The following EXOC6 variants were observed in gnomAD, a reference collection of about 807,000 sequenced individuals.
EXOC6 encodes exocyst complex component 6.
In EXOC6, 60 loss-of-function variants were observed where a neutral mutation model predicts 112.5. That is an observed-to-expected ratio of 0.53 (90% confidence interval 0.43 to 0.66). The LOEUF (loss-of-function observed/expected upper bound fraction) is 0.66, where lower values mean the gene tolerates loss of function less well. Among genes scored for constraint, EXOC6 ranks in the 30% least tolerant of loss-of-function variants. The pLI is 0.00. For missense variants in EXOC6, 855 were observed against 957.1 expected (o/e 0.89, Z 1.41); for synonymous variants, 295 against 308.0 (o/e 0.96, Z 0.44).
chr10:92,838,595 C>G (rs1368409817), intron 1 of EXOC6, among the ~76,000 whole-genome samples: 1 of 152,146 alleles, frequency 6.6e-6, no homozygotes, highest in Non-Finnish European at 1.5e-5. Context: ...AATGAAACAT[C>G]CATTAAAGCC....
upstream of EXOC6, among the ~76,000 whole-genome samples, chr10:92,844,094 T>A (rs531140472): frequency 4.9e-5 from 7 of 143,234 alleles, no homozygotes; most frequent in South Asian, 1.5e-3. Flanking sequence ...GAGGTTGCAG[T>A]GAGCCGAGAT....
chr10:93,041,577 AT>A (rs1290054370), intron 20 of EXOC6, among the ~76,000 whole-genome samples: 2 of 151,006 alleles, frequency 1.3e-5, no homozygotes, highest in Admixed American at 6.6e-5. Flanking sequence ...TACCTGGCTA[AT>A]TTTTTTTGTA....
chr10:92,877,091 T>A (rs1848716574), intron 1 of EXOC6, among the ~76,000 whole-genome samples: 1 of 152,132 alleles, frequency 6.6e-6, no homozygotes, highest in Non-Finnish European at 1.5e-5. Flanking sequence ...CCCTTTGTGG[T>A]TTGTAAGGGA....
upstream of EXOC6, among the ~76,000 whole-genome samples, chr10:92,845,475 A>T (rs982341643): frequency 1.4e-5 from 2 of 148,072 alleles, no homozygotes; most frequent in African/African-American, 2.5e-5. Flanking sequence ...ATCGCTTGAA[A>T]GCGGGAGGCA....
At chr10:92,995,858 T>G (rs1843460643) in intron 18 of EXOC6, among the ~76,000 whole-genome samples, 1 of 152,220 alleles carries the variant, frequency 6.6e-6, no homozygotes, top group Non-Finnish European at 1.5e-5. Flanking sequence ...ATATGCAGTT[T>G]TTCACTGTGC....
intron 13 of EXOC6, among the ~76,000 whole-genome samples, chr10:92,945,620 A>G (rs1007851349): frequency 6.6e-6 from 1 of 152,180 alleles, no homozygotes; most frequent in African/African-American, 2.4e-5. Context: ...CTCTTCTTCC[A>G]TAGTAACTGG....
chr10:92,848,398 G>A (rs1379525658), upstream of EXOC6: 6 of 589,302 alleles, frequency 1.0e-5, no homozygotes, highest in East Asian at 5.3e-4. Context: ...CCTTCTGCCC[G>A]GCGTTCCGCG....
chr10:93,043,187 G>A (rs557621130), intron 20 of EXOC6, among the ~76,000 whole-genome samples: 7 of 151,966 alleles, frequency 4.6e-5, no homozygotes, highest in East Asian at 1.9e-4. Flanking sequence ...CACCCGCCTC[G>A]GCCTCCCAAA....
At chr10:92,918,576 T>G (rs753646376) in intron 7 of EXOC6, among the ~76,000 whole-genome samples, 9 of 152,090 alleles carry the variant, frequency 5.9e-5, no homozygotes, top group Non-Finnish European at 1.2e-4. Context: ...CTGTATATAC[T>G]ATATCCAGCT....
intron 17 of EXOC6, among the ~76,000 whole-genome samples, chr10:92,959,750 T>C (rs551507226): frequency 6.6e-6 from 1 of 152,316 alleles, no homozygotes. Flanking sequence ...CAGATAAGCA[T>C]ATGAAAAGAT....
intron 13 of EXOC6, among the ~76,000 whole-genome samples, chr10:92,946,683 T>C (rs1853030319): frequency 6.6e-6 from 1 of 152,214 alleles, no homozygotes; most frequent in Non-Finnish European, 1.5e-5. Context: ...CCTCAGACTT[T>C]ATACTTTGTA....
At chr10:92,922,207 A>G (rs113615769) in intron 8 of EXOC6, among the ~76,000 whole-genome samples, 2 of 152,008 alleles carry the variant, frequency 1.3e-5, no homozygotes, top group Non-Finnish European at 2.9e-5. Flanking sequence ...CAGCCTCCCA[A>G]AGTGCTGGGA....
intron 6 of EXOC6, among the ~76,000 whole-genome samples, chr10:92,914,989 A>C (rs936329906): frequency 6.6e-6 from 1 of 152,220 alleles, no homozygotes; most frequent in African/African-American, 2.4e-5. Context: ...TCAACTTTTT[A>C]TTCTGTGTAA....
At chr10:92,936,168 T>C (rs1457819098) in intron 12 of EXOC6, among the ~76,000 whole-genome samples, 1 of 152,182 alleles carries the variant, frequency 6.6e-6, no homozygotes, top group East Asian at 1.9e-4. Flanking sequence ...CAGAGTATAA[T>C]GGAAGGAACC....
At chr10:92,884,213 C>A (rs909380754) in intron 1 of EXOC6, among the ~76,000 whole-genome samples, 8 of 152,084 alleles carry the variant, frequency 5.3e-5, no homozygotes, top group African/African-American at 1.9e-4. Flanking sequence ...GTTTTGTTTT[C>A]TGATAAAGGT....
At chr10:92,962,912 A>C (rs769811795) in intron 17 of EXOC6, among the ~76,000 whole-genome samples, 1 of 152,208 alleles carries the variant, frequency 6.6e-6, no homozygotes, top group African/African-American at 2.4e-5. Flanking sequence ...CTTAAACTCT[A>C]TAATGATCCT....
At chr10:93,006,096 G>T (rs1045251925) in intron 19 of EXOC6, among the ~76,000 whole-genome samples, 1 of 152,094 alleles carries the variant, frequency 6.6e-6, no homozygotes, top group Non-Finnish European at 1.5e-5. Context: ...GAAGGTCAAG[G>T]CTGCAGTGAG....
intron 7 of EXOC6, among the ~76,000 whole-genome samples, chr10:92,918,033 T>C (rs1851207242): frequency 2.0e-5 from 3 of 152,100 alleles, no homozygotes. Context: ...TATTCCCAGC[T>C]ACTGGGGAGG....
At chr10:93,006,678 T>C (rs1843999468) in intron 19 of EXOC6, among the ~76,000 whole-genome samples, 1 of 152,194 alleles carries the variant, frequency 6.6e-6, no homozygotes. Context: ...ACGACACAGC[T>C]GGTTCACATG....
Sources: gnomAD v4.1 joint callset for allele counts (sites outside exome capture counted in the v4.1 genomes callset) on GRCh38, gnomAD v4.1.1 for gene constraint, MANE v1.5 for transcripts, NCBI Gene and HGNC (gene_info 2026-07-23, HGNC 2026-07-21) for gene names.